Variants in CSMD2 observed in about 807,000 individuals in gnomAD.
CSMD2 encodes the protein CUB and Sushi multiple domains 2.
Under a neutral mutation model 398.5 loss-of-function variants are expected in CSMD2, and 130 were observed. The observed-to-expected ratio is 0.33, with a 90% confidence interval of 0.28 to 0.38. The LOEUF is 0.38. CSMD2 is among the 10% of genes least tolerant of loss of function. The probability of loss-of-function intolerance (pLI) is 1.00; values close to 1 mark genes in which losing one functional copy is unlikely to be tolerated. For missense variants in CSMD2, 3,829 were observed against 4,764.9 expected, an observed-to-expected ratio of 0.80 and a Z score of 5.78; for synonymous variants, 1,828 against 1,908.5, an observed-to-expected ratio of 0.96 and a Z score of 1.10.
At chr1:33,577,031 T>C (rs1570794171) in intron 49 of CSMD2, among the ~76,000 whole-genome samples, 1 of 152,180 alleles carries the variant, frequency 6.6e-6, no homozygotes, top group African/African-American at 2.4e-5. Context: ...TTCTCACCTC[T>C]GGGCTCCCAC....
chr1:33,562,030 T>C (rs1658605340), intron 53 of CSMD2, among the ~76,000 whole-genome samples: 2 of 151,898 alleles, frequency 1.3e-5, no homozygotes, highest in Admixed American at 6.6e-5. Flanking sequence ...AAAAAACCTA[T>C]AGGAAACTGA....
At chr1:33,727,882 AC>A (rs1646591004) in intron 15 of CSMD2, among the ~76,000 whole-genome samples, 1 of 152,110 alleles carries the variant, frequency 6.6e-6, no homozygotes, top group African/African-American at 2.4e-5. Context: ...GATGATGATG[AC>A]ATCCACTATT....
At chr1:34,048,544 G>T (rs1446979607) in intron 2 of CSMD2, among the ~76,000 whole-genome samples, 1 of 152,222 alleles carries the variant, frequency 6.6e-6, no homozygotes, top group South Asian at 2.1e-4. Flanking sequence ...GGAAGGAGCA[G>T]GTGGAGCCTC....
chr1:34,069,613 T>G (rs1398943688), intron 2 of CSMD2, among the ~76,000 whole-genome samples: 1 of 152,316 alleles, frequency 6.6e-6, no homozygotes, highest in East Asian at 1.9e-4. Context: ...ACATGGAGAC[T>G]ATAAGATGCT....
At chr1:34,159,340 C>CCCCCCCG (rs1557450794) in intron 1 of CSMD2, among the ~76,000 whole-genome samples, 8 of 124,142 alleles carry the variant, frequency 6.4e-5, no homozygotes, top group African/African-American at 1.1e-4. Flanking sequence ...CCCCCCCCCA[C>CCCCCCCG]CCAGGAGCTT....
At chr1:33,679,946 A>C (rs1251931326) in intron 25 of CSMD2, among the ~76,000 whole-genome samples, 1 of 143,590 alleles carries the variant, frequency 7.0e-6, no homozygotes, top group Non-Finnish European at 1.5e-5. Context: ...TTTGAGATGG[A>C]GTCTTGCTCT....
intron 2 of CSMD2, among the ~76,000 whole-genome samples, chr1:34,085,481 G>A (rs182526548): frequency 9.2e-4 from 140 of 152,144 alleles, no homozygotes; most frequent in Middle Eastern, 6.8e-3. Flanking sequence ...TTTTGGTGGG[G>A]GGAATATGTG....
intron 5 of CSMD2, among the ~76,000 whole-genome samples, chr1:33,897,872 GAC>G (rs1642495495): frequency 1.3e-5 from 2 of 152,220 alleles, no homozygotes; most frequent in South Asian, 4.1e-4. Flanking sequence ...TTCTCCCAGA[GAC>G]CCGACGGAGG....
intron 10 of CSMD2, among the ~76,000 whole-genome samples, chr1:33,806,519 T>A (rs1656248244): frequency 6.6e-6 from 1 of 151,730 alleles, no homozygotes; most frequent in African/African-American, 2.4e-5. Context: ...TCAAACAATA[T>A]AAAACAAAGA....
intron 39 of CSMD2, among the ~76,000 whole-genome samples, chr1:33,615,701 A>T (rs1036482697): frequency 2.6e-5 from 4 of 152,220 alleles, no homozygotes; most frequent in Non-Finnish European, 5.9e-5. Context: ...CTGCCGTTAA[A>T]TGAATGGTTT....
chr1:33,674,013 T>A (rs1344607050), intron 25 of CSMD2, among the ~76,000 whole-genome samples: 1 of 152,166 alleles, frequency 6.6e-6, no homozygotes, highest in Non-Finnish European at 1.5e-5. Flanking sequence ...ACATGCCAAA[T>A]TGTAAAGACC....
intron 44 of CSMD2, chr1:33,599,533 G>C (rs1234800267): frequency 6.6e-6 from 1 of 152,210 alleles, no homozygotes; most frequent in East Asian, 1.9e-4. Context: ...GCTCAGAAGG[G>C]TGAAATGACA....
intron 5 of CSMD2, among the ~76,000 whole-genome samples, chr1:33,887,246 G>GGA (rs1641662199): frequency 6.7e-6 from 1 of 149,018 alleles, no homozygotes; most frequent in Non-Finnish European, 1.5e-5. Context: ...CATAAATTCA[G>GGA]AAAAAAAAAA....
rs767516374 is a variant in CSMD2, at chr1:33,652,345, C to T, written c.4564G>A (p.Val1522Ile). 19 of 1,614,154 alleles carry T rather than the reference C, an allele frequency of 1.2e-5. No individual in the cohort carries two copies. The highest frequency in any genetic ancestry group is 8.8e-5 in the South Asian group (8 of 91,088). Residue 1522 changes from valine (V) to isoleucine (I), a missense_variant, in exon 28 of 71, where the codon GTC (valine) becomes ATC (isoleucine). Physicochemically the swap from Val to Ile is conservative, Grantham distance 29 (BLOSUM62 3). Transcript: ENST00000373381. ...DWKVTVSPDYVIALVFNIFNL... is the reference protein window; with the variant it reads ...DWKVTVSPDYIIALVFNIFNL... The stretch of plus-strand genomic sequence containing the variant: ...TACATGTTAAATACCAGGGCGATGA[C>T]GTAGTCTGGTGAGACGGTCACTTTC...
At chr1:34,052,578 T>C (rs1414661427) in intron 2 of CSMD2, among the ~76,000 whole-genome samples, 1 of 151,378 alleles carries the variant, frequency 6.6e-6, no homozygotes, top group African/African-American at 2.4e-5. Flanking sequence ...CTATTGAGTA[T>C]CCTATAGGTT....
At chr1:34,060,913 T>C (rs1035358975) in intron 2 of CSMD2, among the ~76,000 whole-genome samples, 6 of 152,164 alleles carry the variant, frequency 3.9e-5, no homozygotes, top group African/African-American at 1.4e-4. Context: ...GTGGTTGAGA[T>C]GCACAAAGGC....
At chr1:34,022,566 G>T (rs1291786044) in intron 3 of CSMD2, among the ~76,000 whole-genome samples, 1 of 152,220 alleles carries the variant, frequency 6.6e-6, no homozygotes, top group East Asian at 1.9e-4. Context: ...AGAGGTAATA[G>T]AATAGGGCTG....
intron 12 of CSMD2, among the ~76,000 whole-genome samples, chr1:33,776,228 A>G (rs1323287381): frequency 6.6e-6 from 1 of 152,100 alleles, no homozygotes; most frequent in Non-Finnish European, 1.5e-5. Context: ...GTGGAGGAGA[A>G]AGGGGCCCCC....
intron 25 of CSMD2, among the ~76,000 whole-genome samples, chr1:33,684,692 T>C (rs576501705): frequency 1.3e-4 from 20 of 152,290 alleles, no homozygotes; most frequent in African/African-American, 4.8e-4. Flanking sequence ...TACATTCATA[T>C]CTTCCTCCCT....
Sources: allele counts gnomAD v4.1 joint callset (sites outside exome capture counted in the v4.1 genomes callset), GRCh38; gene constraint gnomAD v4.1.1; transcripts MANE v1.5; gene names NCBI Gene and HGNC (gene_info 2026-07-23, HGNC 2026-07-21).